ZMYM2: variants seen among roughly 807,000 people sequenced by gnomAD.
The protein encoded by ZMYM2 is zinc finger MYM-type protein 2.
A neutral mutation model predicts 162.8 loss-of-function variants in ZMYM2; 56 were observed. That is an observed-to-expected ratio of 0.34 (90% confidence interval 0.28 to 0.43). ZMYM2 has a LOEUF of 0.43. Among genes scored for constraint, ZMYM2 ranks in the 20% least tolerant of loss-of-function variants. The pLI is 1.00. For missense variants in ZMYM2, 1,275 were observed against 1,621.8 expected (o/e 0.79, Z 3.67); for synonymous variants, 510 against 541.6 (o/e 0.94, Z 0.81).
At chr13:19,953,455 C>T in the ZMYM2 span, among the ~76,000 whole-genome samples, 9 of 152,082 alleles carry the variant, frequency 5.9e-5, no homozygotes, top group South Asian at 2.1e-4. Context: ...GAGGCTGAGG[C>T]GGGTGGATCA....
the ZMYM2 span, among the ~76,000 whole-genome samples, chr13:19,909,309 T>C: frequency 6.6e-6 from 1 of 152,186 alleles, no homozygotes; most frequent in African/African-American, 2.4e-5. Context: ...AATTCAGTGA[T>C]GACTTTCTCA....
chr13:19,931,153 T>TA, the ZMYM2 span, among the ~76,000 whole-genome samples: 356 of 136,388 alleles, frequency 2.6e-3, 8 homozygotes, highest in Middle Eastern at 0.011. Flanking sequence ...AAAAAAATAA[T>TA]AATAATAATA....
In ZMYM2 at chr13:20,031,216, A is replaced by G. The variant is rs919651123; in HGVS notation, c.1852-103A>G. The G allele has an allele frequency of 2.0e-5, 15 of 752,882 alleles. 1 individual carries two copies. The highest frequency in any genetic ancestry group is 2.5e-4 in the Middle Eastern group (1 of 3,982). 46.6% of individuals were successfully genotyped at this position (752,882 alleles called of 1,614,324 possible). On this transcript the variant is annotated intron_variant, in intron 9 of 24. Transcript: ENST00000610343. The stretch of plus-strand genomic sequence containing the variant: ...TTATGTGCTGAAAAGATATCTAAGC[A>G]AGATGTATATTACTTTCTGGACATC...
chr13:19,962,943 C>G (rs140066785), intron 2 of ZMYM2, among the ~76,000 whole-genome samples: 2,392 of 151,262 alleles, frequency 0.016, 30 homozygotes, highest in Middle Eastern at 0.065. Context: ...GCCTCAGCTT[C>G]CCAAGTAGCT....
At chr13:20,055,776 G>A (rs947474292) in intron 14 of ZMYM2, among the ~76,000 whole-genome samples, 2 of 151,708 alleles carry the variant, frequency 1.3e-5, no homozygotes, top group Admixed American at 6.6e-5. Flanking sequence ...CTAAACTTAC[G>A]GATTCATGAG....
At chr13:19,918,655 C>T in the ZMYM2 span, among the ~76,000 whole-genome samples, 9 of 151,528 alleles carry the variant, frequency 5.9e-5, no homozygotes, top group South Asian at 2.1e-4. Flanking sequence ...CCTGCCACCA[C>T]GCCCAGCTAA....
chr13:20,036,152 A>G (rs1295066942), intron 11 of ZMYM2, among the ~76,000 whole-genome samples: 1 of 152,190 alleles, frequency 6.6e-6, no homozygotes, highest in East Asian at 1.9e-4. Flanking sequence ...GAGGTGTTAT[A>G]GGGAATAAAT....
the ZMYM2 span, among the ~76,000 whole-genome samples, chr13:19,886,007 A>C: frequency 7.8e-6 from 1 of 128,822 alleles, no homozygotes; most frequent in Non-Finnish European, 1.7e-5. Context: ...ATGTGTATAT[A>C]TATAGTTTAG....
At chr13:19,922,717 G>A in the ZMYM2 span, among the ~76,000 whole-genome samples, 6 of 152,030 alleles carry the variant, frequency 3.9e-5, no homozygotes, top group South Asian at 2.1e-4. Flanking sequence ...GGTGGTGGGC[G>A]CCTGTAGTCC....
chr13:19,885,954 CAT>C, the ZMYM2 span, among the ~76,000 whole-genome samples: 39 of 78,574 alleles, frequency 5.0e-4, 13 homozygotes, highest in Non-Finnish European at 8.2e-4. Context: ...TGTATATACA[CAT>C]ATATATGTGT....
chr13:19,971,172 G>A (rs186795841), intron 2 of ZMYM2, among the ~76,000 whole-genome samples: 44 of 149,276 alleles, frequency 2.9e-4, no homozygotes, highest in Non-Finnish European at 4.1e-4. Context: ...TAAGTATACT[G>A]AAAAGCCACG....
chr13:19,936,816 T>C, the ZMYM2 span, among the ~76,000 whole-genome samples: 1 of 152,154 alleles, frequency 6.6e-6, no homozygotes, highest in African/African-American at 2.4e-5. Flanking sequence ...GTTTCTTTCC[T>C]ATTAACTACT....
Position 20,007,664 on chromosome 13 carries a change from A to T in ZMYM2, c.1512+1078A>T, listed in dbSNP as rs567744461. 4.2e-5 allele frequency among the ~76,000 whole-genome samples: 6 copies of T among 143,098 alleles called. No individual in the cohort carries two copies. The South Asian group carries it at 1.3e-3, about 32-fold the overall frequency. 93.9% of individuals were successfully genotyped at this position (143,098 alleles called of 152,430 possible). Reference sequence around the variant, plus strand: ...AAAGACAAGTTTCGCTCTGTTGCCCAGGCTGGAGTGCATTGGCGTAATTTT... The same window carrying T: ...AAAGACAAGTTTCGCTCTGTTGCCCTGGCTGGAGTGCATTGGCGTAATTTT... On this transcript the variant is annotated intron_variant, in intron 6 of 24. Coordinates refer to ENST00000610343, the MANE Select transcript of ZMYM2 (RefSeq NM_197968.4).
the ZMYM2 span, among the ~76,000 whole-genome samples, chr13:19,934,683 T>A: frequency 6.6e-6 from 1 of 152,188 alleles, no homozygotes; most frequent in African/African-American, 2.4e-5. Flanking sequence ...AGGTGTCAAA[T>A]GACTCTTATT....
the ZMYM2 span, among the ~76,000 whole-genome samples, chr13:19,877,365 G>C: frequency 6.6e-6 from 1 of 152,186 alleles, no homozygotes; most frequent in East Asian, 1.9e-4. Flanking sequence ...CATGTGTAAA[G>C]AGATCACAAA....
intron 12 of ZMYM2, among the ~76,000 whole-genome samples, chr13:20,048,734 G>T (rs1955043536): frequency 1.3e-5 from 2 of 151,434 alleles, no homozygotes; most frequent in African/African-American, 2.4e-5. Context: ...TAGCTGATAG[G>T]TTGGATTAAG....
At chr13:19,981,432 T>TC (rs1335112138) in intron 2 of ZMYM2, among the ~76,000 whole-genome samples, 1 of 152,198 alleles carries the variant, frequency 6.6e-6, no homozygotes, top group Non-Finnish European at 1.5e-5. Flanking sequence ...GGCTCTGGAG[T>TC]CCTTTTAACT....
chr13:20,011,979 A>G (rs781004336), intron 6 of ZMYM2, among the ~76,000 whole-genome samples: 1 of 151,950 alleles, frequency 6.6e-6, no homozygotes, highest in Non-Finnish European at 1.5e-5. Context: ...CAAACTCCTG[A>G]TGTCAAGTGA....
intron 6 of ZMYM2, among the ~76,000 whole-genome samples, chr13:20,013,236 T>C (rs1465501621): frequency 2.0e-5 from 3 of 152,226 alleles, no homozygotes; most frequent in Non-Finnish European, 4.4e-5. Flanking sequence ...TGGATTTGCT[T>C]TATTAATTTC....
Sources: allele counts gnomAD v4.1 joint callset (sites outside exome capture counted in the v4.1 genomes callset), GRCh38; gene constraint gnomAD v4.1.1; transcripts MANE v1.5; gene names NCBI Gene and HGNC (gene_info 2026-07-23, HGNC 2026-07-21).